Variants in NREP observed in about 807,000 individuals in gnomAD.
NREP encodes the protein neuronal regeneration-related protein.
A neutral mutation model predicts 8.6 loss-of-function variants in NREP; 5 were observed. The ratio of observed to expected loss-of-function variants is 0.58; its 90% CI spans 0.30 to 1.22. The LOEUF is 1.22. Ranked by LOEUF, NREP falls within the 50% of genes most tolerant of loss-of-function variation. The pLI, the probability that NREP is intolerant of heterozygous loss-of-function variation, is 0.07. For missense variants in NREP, 86 were observed against 82.5 expected (o/e 1.04, Z -0.17); for synonymous variants, 27 against 28.0 (o/e 0.96, Z 0.11).
At chr5:111,904,207 ACATT>A (rs1754720527) in intron 2 of NREP, among the ~76,000 whole-genome samples, 1 of 152,236 alleles carries the variant, frequency 6.6e-6, no homozygotes, top group African/African-American at 2.4e-5. Context: ...CAATAATGAT[ACATT>A]GTTTTTAACT....
intron 2 of NREP, among the ~76,000 whole-genome samples, chr5:111,910,287 T>C (rs918598273): frequency 5.3e-5 from 8 of 152,030 alleles, no homozygotes; most frequent in African/African-American, 1.7e-4. Flanking sequence ...ACAATTTTTC[T>C]AAATACAGAT....
intron 2 of NREP, among the ~76,000 whole-genome samples, chr5:111,817,000 T>G (rs1278017559): frequency 2.0e-5 from 3 of 152,130 alleles, no homozygotes; most frequent in African/African-American, 7.2e-5. Flanking sequence ...TGGAATATAT[T>G]CAACCAAATG....
chr5:111,861,025 A>G (rs2112481198), intron 2 of NREP, among the ~76,000 whole-genome samples: 1 of 152,282 alleles, frequency 6.6e-6, no homozygotes, highest in Admixed American at 6.5e-5. Context: ...AAAACAAAGA[A>G]AAACCAAAAA....
At chr5:111,920,002 C>A (rs1171922073) in intron 2 of NREP, among the ~76,000 whole-genome samples, 1 of 138,404 alleles carries the variant, frequency 7.2e-6, no homozygotes, top group Non-Finnish European at 1.5e-5. Context: ...ACAAAGAAGT[C>A]ATATGCATGC....
intron 2 of NREP, among the ~76,000 whole-genome samples, chr5:111,748,706 A>G (rs566360966): frequency 6.6e-6 from 1 of 152,312 alleles, no homozygotes; most frequent in Admixed American, 6.5e-5. Flanking sequence ...GTTCTCTCTC[A>G]GTAATGAAAC....
At position 111,956,116 on chromosome 5, in the gene NREP, C is replaced by A. The variant is rs148202726; in HGVS notation, c.135+19158G>T. On this transcript the variant is annotated intron_variant, in intron 2 of 3. Coordinates refer to the NREP transcript ENST00000395634. ...TGCCAAGGAACAGTGAGAGCCTCTA[C>A]AGATTGGGTAGATACCACCATGATA... Among the ~76,000 whole-genome samples the A allele has an allele frequency of 3.9e-4, 59 of 152,194 alleles. No individual in the cohort carries two copies. In the East Asian group the frequency reaches 0.011, roughly 28 times the overall value.
chr5:111,857,240 C>G (rs1753446047), intron 2 of NREP, among the ~76,000 whole-genome samples: 1 of 152,182 alleles, frequency 6.6e-6, no homozygotes, highest in Non-Finnish European at 1.5e-5. Flanking sequence ...CATAGCAGCA[C>G]TATGTCCAGA....
At chr5:111,748,225 T>C (rs769731655) in intron 2 of NREP, among the ~76,000 whole-genome samples, 19 of 152,196 alleles carry the variant, frequency 1.2e-4, no homozygotes, top group Non-Finnish European at 1.9e-4. Flanking sequence ...TGTAGTGTGC[T>C]TAGATCTCAC....
At chr5:111,879,736 G>C (rs1436118523) in intron 2 of NREP, among the ~76,000 whole-genome samples, 1 of 152,148 alleles carries the variant, frequency 6.6e-6, no homozygotes, top group African/African-American at 2.4e-5. Context: ...TAGATTAAGG[G>C]GCCAGCATAG....
intron 2 of NREP, among the ~76,000 whole-genome samples, chr5:111,811,853 A>C (rs1259220847): frequency 2.0e-5 from 3 of 152,176 alleles, no homozygotes; most frequent in Non-Finnish European, 4.4e-5. Flanking sequence ...CCTCACTGAT[A>C]CTGAGTCCCA....
intron 2 of NREP, among the ~76,000 whole-genome samples, chr5:111,737,390 T>A (rs1749223511): frequency 6.6e-6 from 1 of 152,170 alleles, no homozygotes; most frequent in African/African-American, 2.4e-5. Flanking sequence ...ATTACCACTT[T>A]AAAAATCATA....
chr5:111,945,811 G>A (rs568459053), intron 2 of NREP, among the ~76,000 whole-genome samples: 1 of 151,700 alleles, frequency 6.6e-6, no homozygotes, highest in East Asian at 2.0e-4. Flanking sequence ...CAATCAGAAC[G>A]TTTGCAAAAA....
upstream of NREP, among the ~76,000 whole-genome samples, chr5:111,760,304 C>G (rs1159778417): frequency 6.6e-6 from 1 of 152,152 alleles, no homozygotes; most frequent in Non-Finnish European, 1.5e-5. Context: ...TGATTGAGAA[C>G]CACTAGCTCT....
intron 2 of NREP, among the ~76,000 whole-genome samples, chr5:111,798,769 GTGTGTGTA>G (rs373985331): frequency 0.073 from 1,417 of 19,306 alleles, 31 homozygotes; most frequent in African/African-American, 0.21. Flanking sequence ...GTGTGTGTGT[GTGTGTGTA>G]TGTGTGTGTG....
chr5:111,777,176 A>T (rs975779848), intron 2 of NREP, among the ~76,000 whole-genome samples: 6 of 152,184 alleles, frequency 3.9e-5, no homozygotes, highest in Non-Finnish European at 7.3e-5. Flanking sequence ...CATTATTTGT[A>T]ACTATTTCCT....
chr5:111,757,771 C>A (rs770088888), upstream of NREP: 1,224 of 979,488 alleles, frequency 1.2e-3, no homozygotes, highest in Non-Finnish European at 1.4e-3. Flanking sequence ...GCCTTCCTCC[C>A]CGCCCCCGGC....
At chr5:111,748,980 C>T (rs1186092699) in intron 2 of NREP, among the ~76,000 whole-genome samples, 5 of 152,016 alleles carry the variant, frequency 3.3e-5, no homozygotes, top group Non-Finnish European at 5.9e-5. Flanking sequence ...GAGGAGTTGC[C>T]ATTCAAATTC....
chr5:111,907,898 A>T (rs1410302844), intron 2 of NREP, among the ~76,000 whole-genome samples: 1 of 151,992 alleles, frequency 6.6e-6, no homozygotes, highest in Non-Finnish European at 1.5e-5. Context: ...TTTTTTTTAT[A>T]TCCCTGTTAC....
chr5:111,949,199 T>A (rs567142806), intron 2 of NREP, among the ~76,000 whole-genome samples: 12 of 152,148 alleles, frequency 7.9e-5, no homozygotes, highest in African/African-American at 2.2e-4. Context: ...CCACAAATGC[T>A]GTCATGTTAA....
Sources: allele counts gnomAD v4.1 joint callset (sites outside exome capture counted in the v4.1 genomes callset), GRCh38; gene constraint gnomAD v4.1.1; transcripts MANE v1.5; gene names NCBI Gene and HGNC (gene_info 2026-07-23, HGNC 2026-07-21).